CCDC171: variants seen among roughly 807,000 people sequenced by gnomAD.
CCDC171 encodes the protein coiled-coil domain-containing protein 171.
In CCDC171, 177 loss-of-function variants were observed where a neutral mutation model predicts 168.2. That is an observed-to-expected ratio of 1.05 (90% CI 0.93 to 1.19). The LOEUF is 1.19. Ranked by LOEUF, CCDC171 falls within the 50% of genes most tolerant of loss-of-function variation. The pLI, the probability that CCDC171 is intolerant of heterozygous loss-of-function variation, is 0.00. For synonymous variants in CCDC171, 687 were observed against 540.8 expected, an observed-to-expected ratio of 1.27 and a Z score of -3.75; for missense variants, 1,991 against 1,539.0, an observed-to-expected ratio of 1.29 and a Z score of -4.91.
intron 21 of CCDC171, among the ~76,000 whole-genome samples, chr9:15,826,778 C>G (rs1048020187): frequency 6.6e-6 from 1 of 152,212 alleles, no homozygotes; most frequent in Non-Finnish European, 1.5e-5. Context: ...CAGAGACTAG[C>G]AGTCCCTGCT....
chr9:15,571,769 A>T lies in CCDC171; in HGVS notation c.177+10A>T. ...CAAACACAATGCAGAGGTACGATTT[A>T]TTTTCCTCTCAAATAATGTTAAAAG... On this transcript the variant is annotated intron_variant, in intron 3 of 25. Transcript: ENST00000380701. 1 of 1,561,340 alleles carries T rather than the reference A, an allele frequency of 6.4e-7. No homozygotes were observed. The highest frequency in any genetic ancestry group is 8.6e-7 in the Non-Finnish European group (1 of 1,164,886).
intron 3 of CCDC171, among the ~76,000 whole-genome samples, chr9:15,988,955 C>T (rs949697945): frequency 3.0e-4 from 46 of 152,222 alleles, no homozygotes; most frequent in South Asian, 2.1e-4. Flanking sequence ...TGGAGCCCAC[C>T]GCGGCTCAAG....
At chr9:15,703,814 T>C (rs1395285186) in intron 11 of CCDC171, among the ~76,000 whole-genome samples, 1 of 152,230 alleles carries the variant, frequency 6.6e-6, no homozygotes, top group African/African-American at 2.4e-5. Flanking sequence ...TTTTTAGTTT[T>C]TTGAGAAACC....
At chr9:15,650,350 T>C (rs1044098397) in intron 7 of CCDC171, among the ~76,000 whole-genome samples, 1 of 152,052 alleles carries the variant, frequency 6.6e-6, no homozygotes, top group Non-Finnish European at 1.5e-5. Context: ...TATACATATG[T>C]AACAAACCTT....
chr9:15,631,822 A>G (rs1339286319), intron 7 of CCDC171, among the ~76,000 whole-genome samples: 8 of 152,214 alleles, frequency 5.3e-5, no homozygotes, highest in African/African-American at 1.9e-4. Context: ...CTTATCCACC[A>G]TGATCAAGTG....
chr9:16,004,814 G>A (rs1832650127), intron 3 of CCDC171, among the ~76,000 whole-genome samples: 1 of 152,116 alleles, frequency 6.6e-6, no homozygotes, highest in South Asian at 2.1e-4. Context: ...GCCCTTGAGG[G>A]TTGTTTGAAG....
At chr9:15,955,380 A>G (rs1240526874) in intron 25 of CCDC171, among the ~76,000 whole-genome samples, 1 of 152,150 alleles carries the variant, frequency 6.6e-6, no homozygotes, top group African/African-American at 2.4e-5. Context: ...GGGAGGTGCA[A>G]CAATAATGGT....
At chr9:15,581,871 G>A (rs1346154149) in intron 4 of CCDC171, among the ~76,000 whole-genome samples, 1 of 152,094 alleles carries the variant, frequency 6.6e-6, no homozygotes, top group Non-Finnish European at 1.5e-5. Context: ...ATAGGCATGG[G>A]CAAGGACTTC....
chr9:15,638,684 TA>T (rs985421814), intron 7 of CCDC171, among the ~76,000 whole-genome samples: 7 of 151,922 alleles, frequency 4.6e-5, no homozygotes, highest in African/African-American at 1.7e-4. Flanking sequence ...AACATAAATA[TA>T]AAAGAATTTA....
chr9:15,982,531 A>G (rs1831832855), intron 3 of CCDC171, among the ~76,000 whole-genome samples: 1 of 152,154 alleles, frequency 6.6e-6, no homozygotes, highest in South Asian at 2.1e-4. Flanking sequence ...GGAAAGAGGG[A>G]TAATTCATGG....
Position 15,848,950 on chromosome 9 carries a change from ACT to A in CCDC171, c.3468+4_3468+5del. ...CAGTAGAAAATACGCTTCACAAGGTACTGTTATTTTTCTTTAATATTGTTCAA... is the reference window on the plus strand; with the variant it reads ...CAGTAGAAAATACGCTTCACAAGGTAGTTATTTTTCTTTAATATTGTTCAA... On this transcript the variant is annotated splice_donor_5th_base_variant and intron_variant, in intron 23 of 25. Coordinates refer to ENST00000380701, the MANE Select transcript of CCDC171 (RefSeq NM_173550.4). The A allele has an allele frequency of 6.7e-7, 1 of 1,503,634 alleles. No homozygotes were observed. Among genetic ancestry groups the A allele is most frequent in the Non-Finnish European group, 9.0e-7 (1 of 1,107,272 alleles). The allele number at this position is 1,503,634 out of a possible 1,614,324, so 93.1% of individuals were successfully genotyped here.
Position 15,684,189 on chromosome 9 carries a change from C to G in CCDC171, c.1215+5293C>G, listed in dbSNP as rs1423549532. 2.2e-4 allele frequency among the ~76,000 whole-genome samples: 33 copies of G among 151,992 alleles called. 1 individual carries two copies. The highest frequency in any genetic ancestry group is 2.1e-3 in the Admixed American group (32 of 15,256). ...ATGAAGATTATAGGCTTTGATGCTT[C>G]CTCGTTTTTACTTAGAATTTCTTCA... is the stretch of plus-strand genomic sequence containing the variant. On this transcript the variant is annotated intron_variant, in intron 10 of 25. Transcript: ENST00000380701.
chr9:15,917,290 A>G (rs1824662310), intron 24 of CCDC171, among the ~76,000 whole-genome samples: 1 of 151,914 alleles, frequency 6.6e-6, no homozygotes, highest in Admixed American at 6.6e-5. Flanking sequence ...TGTTTAGAAG[A>G]GCATAGTATA....
intron 23 of CCDC171, among the ~76,000 whole-genome samples, chr9:15,872,516 G>T (rs142742685): frequency 3.3e-5 from 5 of 151,948 alleles, no homozygotes; most frequent in Admixed American, 6.6e-5. Flanking sequence ...CTCTTTGCCC[G>T]TATTAGCAAT....
chr9:15,856,192 A>G (rs755847948), intron 23 of CCDC171, among the ~76,000 whole-genome samples: 1 of 151,974 alleles, frequency 6.6e-6, no homozygotes, highest in Non-Finnish European at 1.5e-5. Flanking sequence ...AGAACACTTA[A>G]TCTAAGATCT....
intron 25 of CCDC171, among the ~76,000 whole-genome samples, chr9:15,949,303 C>T (rs555566109): frequency 3.0e-4 from 46 of 152,118 alleles, no homozygotes; most frequent in African/African-American, 9.4e-4. Flanking sequence ...CTTGGCGATT[C>T]GGGCTTTTTT....
intron 14 of CCDC171, among the ~76,000 whole-genome samples, chr9:15,727,564 A>G (rs2053886469): frequency 6.6e-6 from 1 of 152,148 alleles, no homozygotes. Context: ...AGCTAAGGAA[A>G]CTTAAGCCTG....
intron 7 of CCDC171, among the ~76,000 whole-genome samples, chr9:15,650,509 C>T (rs929692863): frequency 1.3e-5 from 2 of 152,104 alleles, no homozygotes; most frequent in Non-Finnish European, 2.9e-5. Context: ...TTATTTCGTA[C>T]AGTTATTGGT....
At chr9:15,596,555 G>T (rs77385603) in intron 6 of CCDC171, among the ~76,000 whole-genome samples, 1 of 152,030 alleles carries the variant, frequency 6.6e-6, no homozygotes, top group Non-Finnish European at 1.5e-5. Flanking sequence ...TAGCCTTGTA[G>T]TATAGTTTGA....
Sources: gnomAD v4.1 joint callset for allele counts (sites outside exome capture counted in the v4.1 genomes callset) on GRCh38, gnomAD v4.1.1 for gene constraint, MANE v1.5 for transcripts, NCBI Gene and HGNC (gene_info 2026-07-23, HGNC 2026-07-21) for gene names.